INHBC: variants seen among roughly 807,000 people sequenced by gnomAD.
INHBC encodes inhibin beta C chain.
In INHBC, 10 loss-of-function variants were observed where a neutral mutation model predicts 12.4. That is an observed-to-expected ratio of 0.81 (90% CI 0.50 to 1.37). INHBC has a LOEUF of 1.37. INHBC is among the 40% of genes most tolerant of loss of function. The pLI is 0.00. For synonymous variants in INHBC, 147 were observed against 171.6 expected (o/e 0.86, Z 1.12); for missense variants, 382 against 439.4 (o/e 0.87, Z 1.17).
Position 57,435,065 on chromosome 12 carries a change from G to T in INHBC, c.179G>T (p.Arg60Leu), listed in dbSNP as rs142770750. Reference protein sequence around the residue: ...SILDKLHLTQRPTLNRPVSRA... With the variant: ...SILDKLHLTQLPTLNRPVSRA... ...TTGGACAAGCTGCACCTCACCCAGC[G>T]CCCAACACTGAACCGCCCTGTGTCC... is the stretch of plus-strand genomic sequence containing the variant. Residue 60 changes from arginine to leucine, a missense_variant, in exon 1 of 2, where the codon CGC becomes CTC. Arg to Leu is a moderately radical substitution (Grantham distance 102, BLOSUM62 -2). Transcript: ENST00000309668. 2 of 1,614,108 alleles carry T rather than the reference G, an allele frequency of 1.2e-6. No homozygotes were observed. Among genetic ancestry groups the T allele is most frequent in the Non-Finnish European group, 1.7e-6 (2 of 1,180,036 alleles).
At chr12:57,440,057 C>G (rs923612468) in intron 1 of INHBC, among the ~76,000 whole-genome samples, 12 of 152,274 alleles carry the variant, frequency 7.9e-5, no homozygotes, top group Admixed American at 2.0e-4. Context: ...GATCTTCACT[C>G]TGAGTCCCTG....
intron 1 of INHBC, among the ~76,000 whole-genome samples, chr12:57,443,498 T>C (rs1356680996): frequency 2.6e-5 from 4 of 151,808 alleles, no homozygotes; most frequent in African/African-American, 9.7e-5. Flanking sequence ...TGGTCAGGCT[T>C]GTCTCGAACT....
intron 1 of INHBC, among the ~76,000 whole-genome samples, chr12:57,443,004 AAAAG>A (rs935911102): frequency 6.6e-6 from 1 of 151,950 alleles, no homozygotes; most frequent in African/African-American, 2.4e-5. Context: ...AAAAAAAAAA[AAAAG>A]AACCTTATTC....
At chr12:57,444,952 G>A (rs562570926) in intron 1 of INHBC, among the ~76,000 whole-genome samples, 11 of 152,288 alleles carry the variant, frequency 7.2e-5, no homozygotes, top group East Asian at 1.9e-4. Flanking sequence ...ATAGTGCTGC[G>A]ATTACAGGCA....
chr12:57,434,971 T>C lies in INHBC; in HGVS notation c.85T>C (p.Cys29Arg). Residue 29 changes from cysteine (C) to arginine (R), a missense_variant, in exon 1 of 2, where the codon TGT (cysteine) becomes CGT (arginine). Transcript: ENST00000309668. ...CAGAGCTGGCGGTCAGTGTCCAGCA[T>C]GTGGGGGGCCCACCTTGGAACTGGA... is the stretch of plus-strand genomic sequence containing the variant. Reference protein sequence around the residue: ...TPRAGGQCPACGGPTLELESQ... With the variant: ...TPRAGGQCPARGGPTLELESQ... 2 of 1,614,234 alleles carry C rather than the reference T, an allele frequency of 1.2e-6. No individual in the cohort carries two copies. The highest frequency in any genetic ancestry group is 4.5e-5 in the East Asian group (2 of 44,884).
At chr12:57,441,354 CAAAAAA>C (rs1171735520) in intron 1 of INHBC, among the ~76,000 whole-genome samples, 1 of 33,928 alleles carries the variant, frequency 2.9e-5, no homozygotes, top group East Asian at 1.1e-3. Context: ...AATTCCATCT[CAAAAAA>C]AAAAAAAAAA....
At chr12:57,436,564 T>C (rs1166530514) in intron 1 of INHBC, among the ~76,000 whole-genome samples, 3 of 144,434 alleles carry the variant, frequency 2.1e-5, no homozygotes, top group Non-Finnish European at 4.5e-5. Context: ...AGCCTCAACC[T>C]CCCAGGCTCA....
chr12:57,435,197 C>T lies in INHBC; in HGVS notation c.311C>T (p.Thr104Ile), dbSNP rs1373227896. ...TGTGAAATCATCAGCTTTGCTGAGA[C>T]AGGTGGGTTCCTGATCTGTAGCTCT... The part of the protein sequence containing the change: ...QECEIISFAE[T>I]GLSTINQTRL... Residue 104 changes from threonine (T) to isoleucine (I), a missense_variant and splice_region_variant, in exon 1 of 2, where the codon ACA becomes ATA. Transcript: ENST00000309668. The T allele has an allele frequency of 1.9e-6, 3 of 1,607,886 alleles. No individual in the cohort carries two copies. The highest frequency in any genetic ancestry group is 1.1e-5 in the South Asian group (1 of 90,814).
At chr12:57,435,702 A>G (rs1186491954) in intron 1 of INHBC, among the ~76,000 whole-genome samples, 1 of 152,198 alleles carries the variant, frequency 6.6e-6, no homozygotes, top group Non-Finnish European at 1.5e-5. Context: ...CCCATATCAC[A>G]GAGAACAGGG....
chr12:57,442,081 A>G (rs1438820329), intron 1 of INHBC, among the ~76,000 whole-genome samples: 1 of 152,158 alleles, frequency 6.6e-6, no homozygotes, highest in Non-Finnish European at 1.5e-5. Context: ...GGGGACTCAG[A>G]TGGGACTGGA....
chr12:57,439,861 G>A (rs1870424453), intron 1 of INHBC, among the ~76,000 whole-genome samples: 1 of 152,194 alleles, frequency 6.6e-6, no homozygotes, highest in African/African-American at 2.4e-5. Context: ...TTTAGAGTTG[G>A]TCTTGCTATG....
rs754703417 is a variant in INHBC at position 57,449,776 on chromosome 12, C to T, written c.813C>T (p.Tyr271=). The change falls in exon 2 of 2, where the codon TAC becomes TAT. Residue 271 remains tyrosine, a synonymous_variant. Transcript: ENST00000309668. ...ACTGGATCATCCAGCCTGAGGGCTA[C>T]GCCATGAACTTCTGCATAGGGCAGT... ...WHDWIIQPEG[Y]AMNFCIGQCP... 13 of 1,614,204 alleles carry T rather than the reference C, an allele frequency of 8.1e-6. No individual in the cohort carries two copies. Among genetic ancestry groups the T allele is most frequent in the South Asian group, 1.1e-5 (1 of 91,078 alleles).
rs771830409 is a variant in INHBC, at chr12:57,449,545, C to T, written c.582C>T (p.His194=). ...CTCAAGCTGCCTGCAGCCAGGGGCA[C>T]CTGACCCTGGAGCTGGTACTTGAAG... ...PEAQAACSQG[H]LTLELVLEGQ... The change falls in exon 2 of 2, where the codon CAC becomes CAT. Residue 194 remains histidine (H), a synonymous_variant. Transcript: ENST00000309668. The T allele has an allele frequency of 1.1e-5, 17 of 1,614,096 alleles. No individual in the cohort carries two copies. Among genetic ancestry groups the T allele is most frequent in the Non-Finnish European group, 1.4e-5 (16 of 1,180,038 alleles).
chr12:57,435,312 TC>T (rs1273831858), intron 1 of INHBC, 113 bp downstream of exon 1: 22 of 994,180 alleles, frequency 2.2e-5, no homozygotes, highest in Non-Finnish European at 1.2e-5. Flanking sequence ...AACCCCTGCT[TC>T]CCACAGGCTA....
At chr12:57,445,921 G>T (rs906157264) in intron 1 of INHBC, among the ~76,000 whole-genome samples, 4 of 150,600 alleles carry the variant, frequency 2.7e-5, no homozygotes, top group African/African-American at 7.3e-5. Context: ...ATTTTTGGTG[G>T]TTTTTTTGTT....
At chr12:57,439,162 A>C (rs1314242538) in intron 1 of INHBC, among the ~76,000 whole-genome samples, 3 of 152,232 alleles carry the variant, frequency 2.0e-5, no homozygotes, top group Non-Finnish European at 2.9e-5. Flanking sequence ...CGTCCTAAAA[A>C]TACAAGTTCT....
intron 1 of INHBC, among the ~76,000 whole-genome samples, chr12:57,442,425 C>G (rs1870486147): frequency 6.6e-6 from 1 of 152,146 alleles, no homozygotes; most frequent in Non-Finnish European, 1.5e-5. Flanking sequence ...AAGGTACTAA[C>G]TATAGGGTGC....
intron 1 of INHBC, among the ~76,000 whole-genome samples, chr12:57,447,654 C>T (rs1870608793): frequency 6.8e-6 from 1 of 148,110 alleles, no homozygotes; most frequent in Non-Finnish European, 1.5e-5. Context: ...GGAGGCTAAG[C>T]AGGGCGAATC....
intron 1 of INHBC, among the ~76,000 whole-genome samples, chr12:57,440,847 T>G (rs1435749517): frequency 2.0e-5 from 3 of 152,150 alleles, no homozygotes; most frequent in African/African-American, 7.2e-5. Flanking sequence ...TTCCTCACTG[T>G]TCTTCCTTCC....
Sources: gnomAD v4.1 joint callset for allele counts (sites outside exome capture counted in the v4.1 genomes callset) on GRCh38, gnomAD v4.1.1 for gene constraint, MANE v1.5 for transcripts, NCBI Gene and HGNC (gene_info 2026-07-23, HGNC 2026-07-21) for gene names.